The following PLD1 variants were observed in gnomAD, a reference collection of about 807,000 sequenced individuals.
PLD1 encodes the protein phospholipase D1, also known as choline phosphatase 1.
PLD1 carries 112 observed loss-of-function variants against 137.1 expected under a neutral mutation model. That is an observed-to-expected ratio of 0.82 (90% CI 0.70 to 0.96). The LOEUF is 0.96. PLD1 is among the 40% of genes least tolerant of loss of function. PLD1 has a pLI of 0.00. For missense variants in PLD1, 1,321 were observed against 1,342.0 expected (o/e 0.98, Z 0.24); for synonymous variants, 431 against 454.7 (o/e 0.95, Z 0.66).
chr3:171,748,019 C>T (rs1285380552), intron 1 of PLD1, among the ~76,000 whole-genome samples: 2 of 152,232 alleles, frequency 1.3e-5, no homozygotes, highest in African/African-American at 4.8e-5. Flanking sequence ...AAAAACTCCT[C>T]TCTCAACATT....
At chr3:171,733,168 T>C (rs1719078420) in intron 6 of PLD1, among the ~76,000 whole-genome samples, 1 of 152,264 alleles carries the variant, frequency 6.6e-6, no homozygotes, top group Non-Finnish European at 1.5e-5. Context: ...AGAAGGTTGA[T>C]TTCTAGATAA....
chr3:171,782,757 C>A (rs1254080463), intron 1 of PLD1, among the ~76,000 whole-genome samples: 2 of 151,668 alleles, frequency 1.3e-5, no homozygotes, highest in African/African-American at 4.9e-5. Flanking sequence ...TAAAGAGGAA[C>A]AAAGATATGA....
chr3:171,658,143 A>T (rs1317546212), intron 21 of PLD1, among the ~76,000 whole-genome samples: 5 of 152,164 alleles, frequency 3.3e-5, no homozygotes, highest in African/African-American at 1.2e-4. Context: ...CACCTACTAG[A>T]ATGACTATAA....
intron 19 of PLD1, among the ~76,000 whole-genome samples, chr3:171,667,963 G>T (rs964988067): frequency 6.6e-6 from 1 of 152,254 alleles, no homozygotes; most frequent in African/African-American, 2.4e-5. Flanking sequence ...CATTGGCCAC[G>T]CTGGTTTCGA....
At chr3:171,697,634 A>G (rs1416075913) in intron 12 of PLD1, among the ~76,000 whole-genome samples, 2 of 152,040 alleles carry the variant, frequency 1.3e-5, no homozygotes, top group Non-Finnish European at 2.9e-5. Flanking sequence ...GAACCACCCT[A>G]CCGTGCCTGA....
In PLD1 at chr3:171,603,277, T is replaced by G; in HGVS notation, c.3026A>C (p.Glu1009Ala). ...DKVFRCLPND[E>A]VHNLIQLRDF... is the part of the protein sequence containing the mutation. ...TCTCAGCTGAATTAAATTGTGTACT[T>G]CATCATTGGGAAGGCACCGGAAAAC... Residue 1009 changes from glutamate to alanine, a missense_variant, in exon 27 of 27, where the codon GAA becomes GCA. Physicochemically the swap from Glu to Ala is moderately radical, Grantham distance 107. Coordinates refer to ENST00000351298, the MANE Select transcript of PLD1 (RefSeq NM_002662.5). 6.2e-7 allele frequency: 1 copy of G among 1,613,936 alleles called. No homozygotes were observed. Among genetic ancestry groups the G allele is most frequent in the Non-Finnish European group, 8.5e-7 (1 of 1,179,882 alleles).
At chr3:171,778,407 G>C (rs1722660535) in intron 1 of PLD1, among the ~76,000 whole-genome samples, 1 of 152,156 alleles carries the variant, frequency 6.6e-6, no homozygotes, top group South Asian at 2.1e-4. Context: ...TATATATAAA[G>C]CCAGATAATA....
chr3:171,704,680 A>G (rs1716535321), intron 11 of PLD1, among the ~76,000 whole-genome samples: 1 of 152,234 alleles, frequency 6.6e-6, no homozygotes, highest in African/African-American at 2.4e-5. Flanking sequence ...AGTGAAAAAC[A>G]CTATTACCAA....
intron 25 of PLD1, among the ~76,000 whole-genome samples, chr3:171,606,987 C>T (rs1323030444): frequency 6.6e-6 from 1 of 152,096 alleles, no homozygotes; most frequent in Non-Finnish European, 1.5e-5. Flanking sequence ...CAGTTTTCTC[C>T]AACATTATCA....
chr3:171,736,982 A>C (rs943515977), intron 3 of PLD1, among the ~76,000 whole-genome samples: 2 of 152,246 alleles, frequency 1.3e-5, no homozygotes, highest in African/African-American at 4.8e-5. Flanking sequence ...CACGTGAATG[A>C]GGACTAAAGG....
At chr3:171,727,940 A>G (rs1322490972) in intron 6 of PLD1, among the ~76,000 whole-genome samples, 2 of 152,196 alleles carry the variant, frequency 1.3e-5, no homozygotes, top group Non-Finnish European at 2.9e-5. Context: ...TAAAATTCAA[A>G]AGGACTTAAA....
At chr3:171,627,350 A>G (rs1030213923) in intron 23 of PLD1, among the ~76,000 whole-genome samples, 2 of 152,156 alleles carry the variant, frequency 1.3e-5, no homozygotes, top group African/African-American at 4.8e-5. Context: ...GAGCACCCAG[A>G]TTCATAAAGC....
intron 1 of PLD1, among the ~76,000 whole-genome samples, chr3:171,805,367 C>A (rs954138141): frequency 1.3e-5 from 2 of 152,176 alleles, no homozygotes; most frequent in Admixed American, 6.5e-5. Context: ...ATGACCCAGT[C>A]GGCCATAATG....
chr3:171,714,761 T>G (rs1257298736), intron 8 of PLD1, among the ~76,000 whole-genome samples: 1 of 152,202 alleles, frequency 6.6e-6, no homozygotes, highest in African/African-American at 2.4e-5. Flanking sequence ...TAATTTTTTT[T>G]TAATACATAA....
In PLD1 at chr3:171,603,242, T is replaced by A; in HGVS notation, c.3061A>T (p.Asn1021Tyr). ...HNLIQLRDFINKPVLAKEDPI... is the reference protein window; with the variant it reads ...HNLIQLRDFIYKPVLAKEDPI... Reference sequence around the variant, plus strand: ...TCTTCCTTAGCTAATACGGGCTTGTTTATAAAGTCTCTCAGCTGAATTAAA... The same window carrying A: ...TCTTCCTTAGCTAATACGGGCTTGTATATAAAGTCTCTCAGCTGAATTAAA... Residue 1021 changes from asparagine to tyrosine, a missense_variant, in exon 27 of 27, where the codon AAC (asparagine) becomes TAC (tyrosine). Coordinates refer to ENST00000351298, the MANE Select transcript of PLD1 (RefSeq NM_002662.5). 1 of 1,614,106 alleles carries A rather than the reference T, an allele frequency of 6.2e-7. No homozygotes were observed. Among genetic ancestry groups the A allele is most frequent in the Non-Finnish European group, 8.5e-7 (1 of 1,179,990 alleles).
chr3:171,753,899 A>G (rs1385147184), intron 1 of PLD1, among the ~76,000 whole-genome samples: 3 of 152,182 alleles, frequency 2.0e-5, no homozygotes, highest in Admixed American at 6.5e-5. Context: ...GGACTGAACC[A>G]AACATGCTCC....
At chr3:171,654,865 C>T (rs1401471946) in intron 21 of PLD1, among the ~76,000 whole-genome samples, 2 of 151,930 alleles carry the variant, frequency 1.3e-5, no homozygotes, top group Admixed American at 6.6e-5. Flanking sequence ...GAGTCTGAGG[C>T]TCTAGGTCAT....
intron 1 of PLD1, among the ~76,000 whole-genome samples, chr3:171,749,427 C>G (rs1314773184): frequency 2.0e-5 from 3 of 152,180 alleles, no homozygotes; most frequent in Non-Finnish European, 4.4e-5. Context: ...CACCCAGCAT[C>G]CCTGGGAAGA....
intron 21 of PLD1, among the ~76,000 whole-genome samples, chr3:171,652,977 C>A (rs953565642): frequency 2.6e-5 from 4 of 151,992 alleles, no homozygotes; most frequent in Non-Finnish European, 5.9e-5. Context: ...GCTTACCATT[C>A]GAAAATTTCT....
Sources: gnomAD v4.1 joint callset for allele counts (sites outside exome capture counted in the v4.1 genomes callset) on GRCh38, gnomAD v4.1.1 for gene constraint, MANE v1.5 for transcripts, NCBI Gene and HGNC (gene_info 2026-07-23, HGNC 2026-07-21) for gene names.